The following SPAG9 variants were observed in gnomAD, a reference collection of about 807,000 sequenced individuals.
The protein encoded by SPAG9 is C-Jun-amino-terminal kinase-interacting protein 4.
In SPAG9, 35 loss-of-function variants were observed where a neutral mutation model predicts 166.5. The observed-to-expected ratio is 0.21, with a 90% CI of 0.16 to 0.28. SPAG9 has a LOEUF of 0.28. Among genes scored for constraint, SPAG9 ranks in the 10% least tolerant of loss-of-function variants. SPAG9 has a pLI of 1.00. For synonymous variants in SPAG9, 534 were observed against 565.5 expected (o/e 0.94, Z 0.79); for missense variants, 1,235 against 1,603.3 (o/e 0.77, Z 3.92).
At position 51,020,226 on chromosome 17, in the gene SPAG9, G is replaced by A; in HGVS notation, c.1024C>T (p.Gln342Ter). ...TCAGGAGTAGATTCGATGATTGCTTGAACTTCTGACTTTTCTTCATTTTCA... is the reference window on the plus strand; with the variant it reads ...TCAGGAGTAGATTCGATGATTGCTTAAACTTCTGACTTTTCTTCATTTTCA... ...SAENEEKSEV[Q>*]AIIESTPELD... The change falls in exon 8 of 30, where the codon CAA (glutamine) becomes TAA (stop). Residue 342 changes from glutamine (Q) to a stop codon, truncating the protein, a stop_gained. Transcript: ENST00000262013. LOFTEE classifies it high-confidence loss of function. The A allele has an allele frequency of 6.2e-7, 1 of 1,613,446 alleles. No homozygotes were observed. Among genetic ancestry groups the A allele is most frequent in the Non-Finnish European group, 8.5e-7 (1 of 1,179,504 alleles).
intron 2 of SPAG9, among the ~76,000 whole-genome samples, chr17:51,076,827 CTGTCAACTG>C (rs2047983091): frequency 6.6e-6 from 1 of 152,000 alleles, no homozygotes; most frequent in Admixed American, 6.6e-5. Flanking sequence ...TAGGCTGAGT[CTGTCAACTG>C]TGTCTTTAGT....
chr17:51,118,175 T>G, intron 1 of SPAG9, among the ~76,000 whole-genome samples: 1 of 151,260 alleles, frequency 6.6e-6, no homozygotes, highest in South Asian at 2.1e-4. Context: ...TAACAAGGTG[T>G]GTTTATGTTT....
Position 50,964,810 on chromosome 17 carries a change from T to A in SPAG9, c.*1462A>T. On this transcript the variant is annotated 3_prime_UTR_variant, in exon 30 of 30. Coordinates refer to ENST00000262013, the MANE Select transcript of SPAG9 (RefSeq NM_001130528.3). Reference sequence around the variant, plus strand: ...CTCCGTCACCCAGGCTGGAGTGCAGTGGTGCTATCAAGGCTCACTGCAACC... The same window carrying A: ...CTCCGTCACCCAGGCTGGAGTGCAGAGGTGCTATCAAGGCTCACTGCAACC... The A allele has an allele frequency of 2.4e-6, 1 of 414,674 alleles. No individual in the cohort carries two copies. The highest frequency in any genetic ancestry group is 4.9e-6 in the Non-Finnish European group (1 of 205,494). The allele number at this position is 414,674 out of a possible 1,614,324, so 25.7% of individuals were successfully genotyped here.
chr17:51,001,722 T>C lies in SPAG9; in HGVS notation c.1600A>G (p.Met534Val). ...ELQEAVRWTE[M>V]IRASRENPAM... ...AGCGCTTGTCATACAAACCGAATCA[T>C]CTCTGTCCATCGAACAGCTTCCTGA... is the stretch of plus-strand genomic sequence containing the variant. Residue 534 changes from methionine to valine, a missense_variant, in exon 13 of 30, where the codon ATG becomes GTG. Physicochemically the swap from Met to Val is conservative, Grantham distance 21. Around this residue, in one of 6 missense-constraint regions of SPAG9, gnomAD observed 125 missense variants for 194.0 expected, o/e 0.64. Coordinates refer to ENST00000262013, the MANE Select transcript of SPAG9 (RefSeq NM_001130528.3). 1 of 1,607,916 alleles carries C rather than the reference T, an allele frequency of 6.2e-7. No individual in the cohort carries two copies. The highest frequency in any genetic ancestry group is 8.5e-7 in the Non-Finnish European group (1 of 1,178,644).
At chr17:51,021,016 C>A (rs939118059) in intron 7 of SPAG9, 142 bp downstream of exon 7, 4 of 688,558 alleles carry the variant, frequency 5.8e-6, no homozygotes, top group Admixed American at 2.5e-5. Context: ...AGATGCAGAA[C>A]CACAGATATA....
In SPAG9 at chr17:51,006,195, C is replaced by T; in HGVS notation, c.1314G>A (p.Val438=). The change falls in exon 11 of 30, where the codon GTG becomes GTA. Residue 438 remains valine (V), a synonymous_variant. Coordinates refer to ENST00000262013, the MANE Select transcript of SPAG9 (RefSeq NM_001130528.3). The part of the protein sequence containing the change: ...NIVKNDLIAK[V]DELTCEKDVL... ...CATCTTTCTCACAGGTCAGTTCATCCACTTTTGCTATCAAATCATTCTTCA... is the reference window on the plus strand; with the variant it reads ...CATCTTTCTCACAGGTCAGTTCATCTACTTTTGCTATCAAATCATTCTTCA... 3 of 1,614,188 alleles carry T rather than the reference C, an allele frequency of 1.9e-6. No individual in the cohort carries two copies. Among genetic ancestry groups the T allele is most frequent in the Non-Finnish European group, 2.5e-6 (3 of 1,180,012 alleles).
chr17:51,075,286 G>A (rs1320986684), intron 2 of SPAG9, among the ~76,000 whole-genome samples: 4 of 148,386 alleles, frequency 2.7e-5, no homozygotes, highest in African/African-American at 9.9e-5. Flanking sequence ...ATAGGAAACA[G>A]ATTTTTTAAA....
At chr17:51,086,780 G>A (rs1173520322) in intron 1 of SPAG9, among the ~76,000 whole-genome samples, 3 of 152,152 alleles carry the variant, frequency 2.0e-5, no homozygotes, top group African/African-American at 7.2e-5. Flanking sequence ...AAGTTAGCTG[G>A]GCGTGGTGGC....
At chr17:50,994,493 G>A (rs759786723) in intron 18 of SPAG9, among the ~76,000 whole-genome samples, 1 of 152,200 alleles carries the variant, frequency 6.6e-6, no homozygotes, top group Non-Finnish European at 1.5e-5. Context: ...GCTCACGTCT[G>A]TAATCCCAGC....
At chr17:51,058,099 T>A (rs563414749) in intron 2 of SPAG9, among the ~76,000 whole-genome samples, 121 of 152,348 alleles carry the variant, frequency 7.9e-4, no homozygotes, top group Non-Finnish European at 1.6e-3. Flanking sequence ...ATTTTCTTGA[T>A]AATGTGCAAC....
chr17:51,089,661 T>TATATATATACATAC (rs1426675943), intron 1 of SPAG9, among the ~76,000 whole-genome samples: 1 of 97,932 alleles, frequency 1.0e-5, no homozygotes, highest in Non-Finnish European at 2.1e-5. Flanking sequence ...TATATATATA[T>TATATATATACATAC]ATACACATAC....
At chr17:51,016,322 A>C (rs2045696108) in intron 8 of SPAG9, 1 of 152,298 alleles carries the variant, frequency 6.6e-6, no homozygotes, top group South Asian at 2.1e-4. Context: ...TCCAGGAAAC[A>C]AAAGATACAA....
chr17:51,011,634 C>T (rs535277232), intron 9 of SPAG9, among the ~76,000 whole-genome samples: 30 of 152,224 alleles, frequency 2.0e-4, no homozygotes, highest in South Asian at 8.3e-4. Context: ...CTGCCCACCT[C>T]GGTCTCCCAA....
chr17:50,999,577 C>T (rs1201453428), intron 14 of SPAG9, 84 bp downstream of exon 14: 1 of 1,455,182 alleles, frequency 6.9e-7, no homozygotes, highest in East Asian at 2.4e-5. Context: ...AGAAAATGGA[C>T]ATAAAATCAT....
chr17:51,105,705 T>C (rs969297091), intron 1 of SPAG9, among the ~76,000 whole-genome samples: 1 of 151,748 alleles, frequency 6.6e-6, no homozygotes, highest in Non-Finnish European at 1.5e-5. Context: ...TCGTCTCTAC[T>C]AAAAATACAA....
intron 1 of SPAG9, among the ~76,000 whole-genome samples, chr17:51,084,753 C>T (rs1425404133): frequency 6.6e-6 from 1 of 152,114 alleles, no homozygotes; most frequent in African/African-American, 2.4e-5. Flanking sequence ...GGATAAAATG[C>T]TGTTTTAAAG....
In SPAG9 at chr17:50,965,021, A is replaced by G. The variant is rs1402009776; in HGVS notation, c.*1251T>C. 4 of 156,210 alleles carry G rather than the reference A, an allele frequency of 2.6e-5. No individual in the cohort carries two copies. In the South Asian group the frequency reaches 6.3e-4, roughly 24 times the overall value. 9.7% of individuals were successfully genotyped at this position (156,210 alleles called of 1,614,324 possible). On this transcript the variant is annotated 3_prime_UTR_variant, in exon 30 of 30. Transcript: ENST00000262013. ...AGCAATCCATCTGCCTCAGCCTCCT[A>G]AAGTGTTGGGATTACAGGCGTGAGC...
intron 24 of SPAG9, among the ~76,000 whole-genome samples, chr17:50,983,074 T>C (rs1198511094): frequency 2.0e-5 from 3 of 152,230 alleles, no homozygotes; most frequent in African/African-American, 7.2e-5. Context: ...GGGCAACTCA[T>C]TGCTAACACT....
Position 50,965,573 on chromosome 17 carries a change from A to C in SPAG9, c.*699T>G, listed in dbSNP as rs896077741. On this transcript the variant is annotated 3_prime_UTR_variant, in exon 30 of 30. Coordinates refer to ENST00000262013, the MANE Select transcript of SPAG9 (RefSeq NM_001130528.3). ...GAAAATGAGACTGGTCTCAAAAAAA[A>C]CCCATCAGAATATTCAGAGAAGTAG... 6.6e-6 allele frequency: 1 copy of C among 152,314 alleles called. No individual in the cohort carries two copies. 9.4% of individuals were successfully genotyped at this position (152,314 alleles called of 1,614,324 possible).
Sources: allele counts gnomAD v4.1 joint callset (sites outside exome capture counted in the v4.1 genomes callset), GRCh38; gene constraint gnomAD v4.1.1; regional missense constraint gnomAD v4.1.1; transcripts MANE v1.5; gene names NCBI Gene and HGNC (gene_info 2026-07-23, HGNC 2026-07-21).